Variants in ACTN2 observed in about 807,000 individuals in gnomAD.
The protein encoded by ACTN2 is alpha-actinin-2.
A neutral mutation model predicts 113.8 loss-of-function variants in ACTN2; 39 were observed. That is an observed-to-expected ratio of 0.34 (90% CI 0.27 to 0.45). The LOEUF (loss-of-function observed/expected upper bound fraction) is 0.45. ACTN2 is among the 20% of genes least tolerant of loss of function. The pLI is 1.00. For missense variants in ACTN2, 992 were observed against 1,177.9 expected, an observed-to-expected ratio of 0.84 and a Z score of 2.31; for synonymous variants, 429 against 444.1, an observed-to-expected ratio of 0.97 and a Z score of 0.43.
At chr1:236,737,056 C>A in intron 8 of ACTN2, 66 bp from the exon 9 acceptor site, 1 of 1,364,848 alleles carries the variant, frequency 7.3e-7, no homozygotes. Flanking sequence ...TCACCCACCT[C>A]GTTCCATGCT....
intron 5 of ACTN2, 120 bp from the exon 6 acceptor site, chr1:236,727,558 A>G: frequency 2.0e-6 from 2 of 997,114 alleles, no homozygotes. Context: ...AGGAAGCTAC[A>G]TGGGGCCCTC....
chr1:236,686,607 C>T lies in ACTN2; in HGVS notation c.-67C>T. The T allele has an allele frequency of 1.3e-6, 2 of 1,489,948 alleles. No individual in the cohort carries two copies. Among genetic ancestry groups the T allele is most frequent in the Non-Finnish European group, 1.8e-6 (2 of 1,118,000 alleles). The allele number at this position is 1,489,948 out of a possible 1,614,324, so 92.3% of individuals were successfully genotyped here. On this transcript the variant is annotated 5_prime_UTR_variant, in exon 1 of 21. Transcript: ENST00000366578. ...CCGCCGCCCGCCGCCTCCGTGGGTC[C>T]GTTTGCCAGTCAGCCCGTGCGTCCG...
At chr1:236,690,334 T>G (rs1350375963) in intron 1 of ACTN2, among the ~76,000 whole-genome samples, 2 of 152,204 alleles carry the variant, frequency 1.3e-5, no homozygotes, top group Admixed American at 1.3e-4. Flanking sequence ...TCTTCCTGCC[T>G]AATGACACAT....
chr1:236,707,849 C>A (rs1572102751), intron 1 of ACTN2, among the ~76,000 whole-genome samples: 1 of 151,230 alleles, frequency 6.6e-6, no homozygotes, highest in African/African-American at 2.4e-5. Flanking sequence ...GTAGCTGGGA[C>A]TACAGGCACA....
intron 4 of ACTN2, 105 bp from the exon 5 acceptor site, chr1:236,725,828 C>T: frequency 3.1e-6 from 3 of 975,594 alleles, no homozygotes; most frequent in Non-Finnish European, 5.0e-6. Context: ...GGAAGAGACC[C>T]CCTGGGTGAT....
rs187750893 is a variant in ACTN2 at position 236,712,450 on chromosome 1, T to C, written c.127-5408T>C. Among the ~76,000 whole-genome samples, 48 of 152,300 alleles carry C rather than the reference T, an allele frequency of 3.2e-4. 2 individuals carry two copies. The East Asian group carries it at 6.9e-3, about 22-fold the overall frequency. On this transcript the variant is annotated intron_variant, in intron 1 of 20. Coordinates refer to ENST00000366578, the MANE Select transcript of ACTN2 (RefSeq NM_001103.4). ...TAAAGATAGGGAAACTTCATTAGGC[T>C]TAACTAAATAAATTGACCTTCTCTG... is the stretch of plus-strand genomic sequence containing the variant.
chr1:236,716,432 A>C (rs529834472), intron 1 of ACTN2, among the ~76,000 whole-genome samples: 1 of 152,284 alleles, frequency 6.6e-6, no homozygotes, highest in African/African-American at 2.4e-5. Flanking sequence ...TTTGGCAGGA[A>C]ATAGGGCACA....
At chr1:236,745,390 C>T (rs1023277111) in intron 12 of ACTN2, among the ~76,000 whole-genome samples, 30 of 151,970 alleles carry the variant, frequency 2.0e-4, no homozygotes, top group Admixed American at 1.4e-3. Context: ...GCCGAGATCG[C>T]GCCACTGCAC....
intron 1 of ACTN2, among the ~76,000 whole-genome samples, chr1:236,694,523 C>T (rs1271891094): frequency 6.6e-6 from 1 of 151,888 alleles, no homozygotes; most frequent in Non-Finnish European, 1.5e-5. Flanking sequence ...ACGCCTGGCC[C>T]GCACTGACAT....
intron 15 of ACTN2, 107 bp downstream of exon 15, chr1:236,751,759 C>T: frequency 7.4e-7 from 1 of 1,351,166 alleles, no homozygotes; most frequent in Non-Finnish European, 1.0e-6. Context: ...CATTTTGCAT[C>T]ATGATCAGGA....
intron 19 of ACTN2, 78 bp downstream of exon 19, chr1:236,759,867 C>G: frequency 7.3e-7 from 1 of 1,372,568 alleles, no homozygotes; most frequent in East Asian, 2.3e-5. Context: ...ATGACAAGCT[C>G]AAACCAAGGT....
intron 1 of ACTN2, among the ~76,000 whole-genome samples, chr1:236,687,618 A>G (rs1665922712): frequency 6.6e-6 from 1 of 152,260 alleles, no homozygotes; most frequent in Non-Finnish European, 1.5e-5. Context: ...CAAAAGCCAA[A>G]CGCTCTGAAC....
At chr1:236,724,838 CTTTTTTTTTTTT>C (rs5781922) in intron 4 of ACTN2, among the ~76,000 whole-genome samples, 1 of 81,674 alleles carries the variant, frequency 1.2e-5, no homozygotes, top group Non-Finnish European at 2.7e-5. Flanking sequence ...TGGGTTTTTC[CTTTTTTTTTTTT>C]TTTTTTTTTT....
intron 3 of ACTN2, 49 bp from the exon 4 acceptor site, chr1:236,720,056 G>T (rs368964457): frequency 1.5e-6 from 2 of 1,317,958 alleles, no homozygotes; most frequent in Non-Finnish European, 1.1e-6. Context: ...AAAAAGTTAC[G>T]TACAGACTAT....
At position 236,735,589 on chromosome 1, in the gene ACTN2, G is replaced by GGT. The variant is rs144987681; in HGVS notation, c.698-34_698-33dup. The GGT allele has an allele frequency of 1.2e-4, 168 of 1,431,252 alleles. 1 individual carries two copies. The East Asian group carries it at 1.5e-3, about 13-fold the overall frequency. 88.7% of individuals were successfully genotyped at this position (1,431,252 alleles called of 1,614,324 possible). ...TTCTCTCCTTCGTCTGTATGTGTGTGGTGTGTGTGTGTGCGCGCGTCCTGT... is the reference window on the plus strand; with the variant it reads ...TTCTCTCCTTCGTCTGTATGTGTGTGGTGTGTGTGTGTGTGCGCGCGTCCTGT... On this transcript the variant is annotated intron_variant, in intron 7 of 20. Coordinates refer to ENST00000366578, the MANE Select transcript of ACTN2 (RefSeq NM_001103.4).
intron 1 of ACTN2, among the ~76,000 whole-genome samples, chr1:236,693,703 G>T (rs553595954): frequency 1.4e-4 from 21 of 152,194 alleles, no homozygotes; most frequent in African/African-American, 5.1e-4. Flanking sequence ...CCTTCCCTGC[G>T]GAGATGAGGG....
At chr1:236,748,575 C>T (rs543670359) in intron 13 of ACTN2, among the ~76,000 whole-genome samples, 23 of 152,284 alleles carry the variant, frequency 1.5e-4, no homozygotes, top group African/African-American at 5.5e-4. Context: ...CATCCTGTTG[C>T]TTGAAATCTT....
At chr1:236,705,372 G>A (rs1425581597) in intron 1 of ACTN2, among the ~76,000 whole-genome samples, 3 of 152,088 alleles carry the variant, frequency 2.0e-5, no homozygotes, top group Non-Finnish European at 2.9e-5. Flanking sequence ...CAAATATAAA[G>A]ATGAATATTT....
chr1:236,755,663 G>A (rs1032439026), intron 17 of ACTN2, among the ~76,000 whole-genome samples: 1 of 146,970 alleles, frequency 6.8e-6, no homozygotes, highest in Non-Finnish European at 1.5e-5. Flanking sequence ...GCCACCGTTA[G>A]AACCCTGGTA....
Sources: allele counts gnomAD v4.1 joint callset (sites outside exome capture counted in the v4.1 genomes callset), GRCh38; gene constraint gnomAD v4.1.1; transcripts MANE v1.5; gene names NCBI Gene and HGNC (gene_info 2026-07-23, HGNC 2026-07-21).